Variants in PIH1D2 observed in about 807,000 individuals in gnomAD.
PIH1D2 encodes PIH1 domain-containing protein 2.
PIH1D2 carries 25 observed loss-of-function variants against 31.2 expected under a neutral mutation model. That is an observed-to-expected ratio of 0.80 (90% CI 0.58 to 1.12). The LOEUF (loss-of-function observed/expected upper bound fraction) is 1.12, where lower values mean the gene tolerates loss of function less well. Among genes scored for constraint, PIH1D2 ranks in the 50% most tolerant of loss-of-function variants. The pLI, the probability that PIH1D2 is intolerant of heterozygous loss-of-function variation, is 0.00. For synonymous variants in PIH1D2, 116 were observed against 119.9 expected (o/e 0.97, Z 0.21); for missense variants, 310 against 356.6 (o/e 0.87, Z 1.05).
At chr11:112,066,624 C>G (rs1864935190), downstream of PIH1D2, among the ~76,000 whole-genome samples, 1 of 132,034 alleles carries the variant, frequency 7.6e-6, no homozygotes, top group Non-Finnish European at 1.6e-5. Flanking sequence ...GGCAACAAAG[C>G]AAGATTCCGT....
downstream of PIH1D2, chr11:112,063,214 C>T (rs1864743266): frequency 6.6e-6 from 1 of 152,136 alleles, no homozygotes; most frequent in South Asian, 2.1e-4. Context: ...CTTGATGTAA[C>T]TGAGAATTTG....
At chr11:112,056,323 T>C in the PIH1D2 span, among the ~76,000 whole-genome samples, 1 of 152,206 alleles carries the variant, frequency 6.6e-6, no homozygotes, top group African/African-American at 2.4e-5. Flanking sequence ...AAAAGATCAC[T>C]CATGCTCATT....
At chr11:112,064,217 G>C (rs1409896323), downstream of PIH1D2, 1 of 1,560,020 alleles carries the variant, frequency 6.4e-7, no homozygotes, top group Non-Finnish European at 8.7e-7. Flanking sequence ...TGGTTCTGTT[G>C]TTCCCTTGAA....
At chr11:112,070,386 T>C in intron 5 of PIH1D2, 50 bp downstream of exon 5, 1 of 1,574,422 alleles carries the variant, frequency 6.4e-7, no homozygotes, top group Non-Finnish European at 8.7e-7. Flanking sequence ...ATAATATATG[T>C]TAGTGAATGC....
chr11:112,072,889 C>CAAA (rs1164293992), intron 2 of PIH1D2, 109 bp downstream of exon 2: 18 of 885,418 alleles, frequency 2.0e-5, no homozygotes, highest in African/African-American at 1.7e-4. Flanking sequence ...CAAAACAAAA[C>CAAA]AAAAAAAAAA....
chr11:112,064,299 G>A (rs1555183623), downstream of PIH1D2: 40 of 1,241,204 alleles, frequency 3.2e-5, no homozygotes, highest in Non-Finnish European at 4.3e-5. Context: ...AATCTAAATC[G>A]ATTCAGTCTC....
At chr11:112,055,645 G>A in the PIH1D2 span, among the ~76,000 whole-genome samples, 187 of 151,884 alleles carry the variant, frequency 1.2e-3, no homozygotes, top group African/African-American at 4.1e-3. Context: ...CTCCTTCTAG[G>A]ATGCTGTTTG....
downstream of PIH1D2, chr11:112,060,093 T>TATGTTATTTTTA: frequency 6.2e-7 from 1 of 1,602,900 alleles, no homozygotes; most frequent in Non-Finnish European, 8.5e-7. Context: ...GCTTTCTAAT[T>TATGTTATTTTTA]ATGTTATTTT....
At chr11:112,069,294 G>A (rs967637195) in intron 5 of PIH1D2, among the ~76,000 whole-genome samples, 2 of 152,046 alleles carry the variant, frequency 1.3e-5, no homozygotes, top group East Asian at 1.9e-4. Flanking sequence ...ATGAGTCACC[G>A]TACCCAGCCA....
the PIH1D2 span, among the ~76,000 whole-genome samples, chr11:112,054,982 T>C: frequency 6.6e-6 from 1 of 152,146 alleles, no homozygotes; most frequent in African/African-American, 2.4e-5. Flanking sequence ...ACTCAGATAA[T>C]ATAGGATGAT....
chr11:112,062,536 C>T, downstream of PIH1D2: 1 of 1,612,192 alleles, frequency 6.2e-7, no homozygotes, highest in South Asian at 1.1e-5. Context: ...GTTGTTGTAA[C>T]TAACTCAAGA....
At chr11:112,071,381 G>T in intron 3 of PIH1D2, 98 bp from the exon 4 acceptor site, 3 of 1,420,200 alleles carry the variant, frequency 2.1e-6, no homozygotes, top group Non-Finnish European at 2.9e-6. Context: ...TAAAGCTAGA[G>T]AATATTCCTG....
downstream of PIH1D2, chr11:112,063,884 G>T (rs1453105156): frequency 7.2e-6 from 2 of 276,658 alleles, no homozygotes; most frequent in East Asian, 6.2e-5. Flanking sequence ...TACTTAAAAT[G>T]AATCTGACCA....
At chr11:112,063,167 C>T (rs1252256894), downstream of PIH1D2, 1 of 152,370 alleles carries the variant, frequency 6.6e-6, no homozygotes, top group Non-Finnish European at 1.5e-5. Flanking sequence ...CATGGTTATT[C>T]CCCCCTACTT....
chr11:112,060,040 G>GT (rs781893556), downstream of PIH1D2: 1 of 1,613,744 alleles, frequency 6.2e-7, no homozygotes, highest in Non-Finnish European at 8.5e-7. Context: ...GCAAGAGAGG[G>GT]TAAACTACAG....
In PIH1D2 at chr11:112,070,559, C is replaced by T. The variant is rs782765753; in HGVS notation, c.690G>A (p.Met230Ile). ...EISSTEIQVEMKMPAYELKIV... is the reference protein window; with the variant it reads ...EISSTEIQVEIKMPAYELKIV... The stretch of plus-strand genomic sequence containing the variant: ...TTTTTAGTTCATAGGCTGGCATCTT[C>T]ATCTCCACCTGGATTTCAGTACTGG... The change falls in exon 5 of 6, where the codon ATG (methionine) becomes ATA (isoleucine). Residue 230 changes from methionine (M) to isoleucine (I), a missense_variant. Physicochemically the swap from Met to Ile is conservative, Grantham distance 10. Transcript: ENST00000280350. 5.8e-5 allele frequency: 93 copies of T among 1,614,036 alleles called. 4 individuals carry two copies. The highest frequency in any genetic ancestry group is 5.9e-6 in the Non-Finnish European group (7 of 1,180,034).
chr11:112,070,358 G>A (rs587686168), intron 5 of PIH1D2, 78 bp downstream of exon 5: 112 of 1,497,716 alleles, frequency 7.5e-5, no homozygotes, highest in Middle Eastern at 2.4e-4. Flanking sequence ...CTGAAATTAT[G>A]TAGTTTGTTA....
chr11:112,065,117 G>A (rs1864874028), downstream of PIH1D2, among the ~76,000 whole-genome samples: 1 of 151,872 alleles, frequency 6.6e-6, no homozygotes, highest in Non-Finnish European at 1.5e-5. Flanking sequence ...TGGGATTACA[G>A]CTGAGCCACC....
At chr11:112,068,973 ATTTTTTTTGTTTTTTTTT>A (rs1433546939) in intron 5 of PIH1D2, among the ~76,000 whole-genome samples, 3 of 134,434 alleles carry the variant, frequency 2.2e-5, no homozygotes, top group Admixed American at 7.3e-5. Context: ...AAACCTCTGA[ATTTTTTTTGTTTTTTTTT>A]TTTTTTGTTT....
Sources: gnomAD v4.1 joint callset for allele counts (sites outside exome capture counted in the v4.1 genomes callset) on GRCh38, gnomAD v4.1.1 for gene constraint, MANE v1.5 for transcripts, NCBI Gene and HGNC (gene_info 2026-07-23, HGNC 2026-07-21) for gene names.